Variants in TRAK1 observed in about 807,000 individuals in gnomAD.
TRAK1 encodes trafficking kinesin-binding protein 1.
Under a neutral mutation model 92.1 loss-of-function variants are expected in TRAK1, and 33 were observed. The observed-to-expected ratio is 0.36, with a 90% CI of 0.27 to 0.48. The LOEUF (loss-of-function observed/expected upper bound fraction) is 0.48. Ranked by LOEUF, TRAK1 falls within the 20% of genes least tolerant of loss-of-function variation. The pLI is 0.99. For synonymous variants in TRAK1, 521 were observed against 517.3 expected (o/e 1.01, Z -0.10); for missense variants, 1,123 against 1,257.9 (o/e 0.89, Z 1.62).
At position 42,091,430 on chromosome 3, in the gene TRAK1, T is replaced by C. The variant is rs2148965702; in HGVS notation, c.-40T>C. The stretch of plus-strand genomic sequence containing the variant: ...CGGGGCTGAGCTCTCATGGAGGCTC[T>C]CTCTGTTCTCTGAAGTGCCTTTGGA... On this transcript the variant is annotated 5_prime_UTR_variant, in exon 1 of 16. Coordinates refer to ENST00000327628, the MANE Select transcript of TRAK1 (RefSeq NM_001042646.3). 6.3e-7 allele frequency: 1 copy of C among 1,595,812 alleles called. No homozygotes were observed. Among genetic ancestry groups the C allele is most frequent in the Non-Finnish European group, 8.6e-7 (1 of 1,165,874 alleles).
intron 6 of TRAK1, among the ~76,000 whole-genome samples, chr3:42,189,421 C>T (rs929981856): frequency 5.9e-5 from 9 of 152,356 alleles, no homozygotes; most frequent in African/African-American, 2.2e-4. Context: ...TGGTGTTCTC[C>T]AGCTCTGACC....
In TRAK1 at chr3:42,224,041, T is replaced by C. The variant is rs1223048655; in HGVS notation, c.*304T>C. 3.6e-6 allele frequency: 2 copies of C among 555,776 alleles called. No homozygotes were observed. Among genetic ancestry groups the C allele is most frequent in the South Asian group, 1.5e-5 (1 of 65,366 alleles). The allele number at this position is 555,776 out of a possible 1,614,324, so 34.4% of individuals were successfully genotyped here. A position where few individuals can be genotyped will look rare whatever the true frequency, so the allele number is the denominator to read the frequency against. On this transcript the variant is annotated 3_prime_UTR_variant, in exon 16 of 16. Coordinates refer to ENST00000327628, the MANE Select transcript of TRAK1 (RefSeq NM_001042646.3). ...GCTAACCTGGGGGAAGGTGGGGTCC[T>C]TTCTTCTTTCCTTTTGAGAAGCACT...
chr3:42,212,475 A>G, intron 14 of TRAK1: 8 of 985,462 alleles, frequency 8.1e-6, no homozygotes, highest in Non-Finnish European at 9.6e-6. Context: ...AGTTTTAAGC[A>G]CTGAAAAAAT....
At chr3:42,172,811 A>G (rs900017207) in intron 2 of TRAK1, among the ~76,000 whole-genome samples, 5 of 152,114 alleles carry the variant, frequency 3.3e-5, no homozygotes, top group Non-Finnish European at 5.9e-5. Flanking sequence ...GTTGCATTTA[A>G]CTTCTTTTTC....
intron 5 of TRAK1, 44 bp downstream of exon 5, chr3:42,188,189 C>T: frequency 6.3e-7 from 1 of 1,592,394 alleles, no homozygotes; most frequent in South Asian, 1.1e-5. Flanking sequence ...AGAGCACAGG[C>T]TGGCCGCTGT....
In TRAK1 at chr3:42,203,727, C is replaced by A. The variant is rs1003930735; in HGVS notation, c.1744+975C>A. 4.4e-5 allele frequency: 43 copies of A among 982,898 alleles called. No homozygotes were observed. The Admixed American group carries it at 8.9e-4, about 20-fold the overall frequency. The allele number at this position is 982,898 out of a possible 1,614,324, so 60.9% of individuals were successfully genotyped here. A position where few individuals can be genotyped will look rare whatever the true frequency, so the allele number is the denominator to read the frequency against. On this transcript the variant is annotated intron_variant, in intron 13 of 15. Coordinates refer to ENST00000327628, the MANE Select transcript of TRAK1 (RefSeq NM_001042646.3). Reference sequence around the variant, plus strand: ...TTCCCAACTTTAAAAAAATTATTGTCCCCTCTAAGGAGCCTTCTTAGACGT... The same window carrying A: ...TTCCCAACTTTAAAAAAATTATTGTACCCTCTAAGGAGCCTTCTTAGACGT...
chr3:42,014,371 G>C (rs546512788), intron 1 of TRAK1, among the ~76,000 whole-genome samples: 1 of 152,162 alleles, frequency 6.6e-6, no homozygotes, highest in Non-Finnish European at 1.5e-5. Context: ...ACTCCGAGGT[G>C]ACAGTGAGGC....
intron 1 of TRAK1, among the ~76,000 whole-genome samples, chr3:42,072,580 T>G (rs1703983785): frequency 6.6e-6 from 1 of 151,834 alleles, no homozygotes. Context: ...CTCTTTTTCT[T>G]CCTCATTTTG....
intron 2 of TRAK1, chr3:42,149,647 T>C (rs1231906541): frequency 6.5e-7 from 1 of 1,535,432 alleles, no homozygotes; most frequent in Non-Finnish European, 8.7e-7. Context: ...AGGGGTATTG[T>C]CTCCTTCTGG....
chr3:42,029,866 T>C (rs1258583811), intron 1 of TRAK1, among the ~76,000 whole-genome samples: 1 of 152,080 alleles, frequency 6.6e-6, no homozygotes, highest in Non-Finnish European at 1.5e-5. Flanking sequence ...ATTTTTTAAA[T>C]GAAACCCCAG....
intron 1 of TRAK1, among the ~76,000 whole-genome samples, chr3:42,043,630 G>A (rs1231563778): frequency 6.6e-6 from 1 of 152,054 alleles, no homozygotes; most frequent in Admixed American, 6.6e-5. Context: ...GGGGGGCGGG[G>A]GGAGTAAAGG....
At chr3:42,052,785 C>T (rs527726194) in intron 1 of TRAK1, among the ~76,000 whole-genome samples, 1 of 152,234 alleles carries the variant, frequency 6.6e-6, no homozygotes, top group East Asian at 1.9e-4. Context: ...TGCCCCCTCC[C>T]CCATTATGAA....
At chr3:42,191,754 T>C (rs1705771623) in intron 7 of TRAK1, 118 bp downstream of exon 7, 1 of 1,134,826 alleles carries the variant, frequency 8.8e-7, no homozygotes, top group Non-Finnish European at 1.2e-6. Flanking sequence ...GCAGCATTTT[T>C]CTTAAAACTA....
At chr3:42,094,429 T>C (rs955040599) in intron 1 of TRAK1, among the ~76,000 whole-genome samples, 2 of 152,206 alleles carry the variant, frequency 1.3e-5, no homozygotes, top group African/African-American at 4.8e-5. Context: ...TGGAGTGCAG[T>C]GGTGCAGTGC....
chr3:42,041,822 T>C (rs1354421339), intron 1 of TRAK1, among the ~76,000 whole-genome samples: 4 of 149,890 alleles, frequency 2.7e-5, no homozygotes, highest in Admixed American at 2.0e-4. Flanking sequence ...TGAGACGGAG[T>C]CTCGCTCTGC....
intron 15 of TRAK1, chr3:42,220,364 C>A: frequency 1.9e-6 from 1 of 531,258 alleles, no homozygotes; most frequent in Non-Finnish European, 2.4e-6. Flanking sequence ...AGAAAATGCT[C>A]TCCCCTAACA....
intron 1 of TRAK1, among the ~76,000 whole-genome samples, chr3:42,058,724 C>A (rs924086188): frequency 6.6e-6 from 1 of 152,174 alleles, no homozygotes; most frequent in Admixed American, 6.5e-5. Flanking sequence ...GTGGGCCTTG[C>A]CCATTGTTTG....
chr3:42,118,194 C>T (rs1272238770), intron 1 of TRAK1, among the ~76,000 whole-genome samples: 3 of 152,132 alleles, frequency 2.0e-5, no homozygotes, highest in Non-Finnish European at 2.9e-5. Flanking sequence ...AGCAGTTCTT[C>T]CTGCTTCAGC....
intron 1 of TRAK1, among the ~76,000 whole-genome samples, chr3:42,066,516 G>A (rs968020112): frequency 2.9e-5 from 4 of 139,638 alleles, no homozygotes; most frequent in Non-Finnish European, 6.1e-5. Context: ...GTCATGAGCC[G>A]TGCAGAAGTG....
Sources: gnomAD v4.1 joint callset for allele counts (sites outside exome capture counted in the v4.1 genomes callset) on GRCh38, gnomAD v4.1.1 for gene constraint, MANE v1.5 for transcripts, NCBI Gene and HGNC (gene_info 2026-07-23, HGNC 2026-07-21) for gene names.